OSBPL6: variants seen among roughly 807,000 people sequenced by gnomAD.
OSBPL6 encodes the protein oxysterol binding protein like 6, also known as oxysterol-binding protein-related protein 6.
In OSBPL6, 49 loss-of-function variants were observed where a neutral mutation model predicts 125.8. The observed-to-expected ratio is 0.39, with a 90% CI of 0.31 to 0.49. The LOEUF is 0.49. Ranked by LOEUF, OSBPL6 falls within the 20% of genes least tolerant of loss-of-function variation. The pLI is 0.88. For missense variants in OSBPL6, 986 were observed against 1,135.4 expected (o/e 0.87, Z 1.89); for synonymous variants, 394 against 391.8 (o/e 1.01, Z -0.07).
intron 3 of OSBPL6, among the ~76,000 whole-genome samples, chr2:178,316,120 C>T (rs1043242068): frequency 6.6e-6 from 1 of 152,182 alleles, no homozygotes; most frequent in African/African-American, 2.4e-5. Flanking sequence ...GACCTCAACT[C>T]CCAATTAAGA....
chr2:178,333,001 A>T lies in OSBPL6; in HGVS notation c.617A>T (p.Glu206Val). Residue 206 changes from glutamate (E) to valine (V), a missense_variant, in exon 8 of 25, where the codon GAA (glutamate) becomes GTA (valine). Physicochemically the swap from Glu to Val is moderately radical, Grantham distance 121 (BLOSUM62 -2). Around this residue, in one of 3 missense-constraint regions of OSBPL6, gnomAD observed 843 missense variants for 997.3 expected, o/e 0.85. Coordinates refer to ENST00000190611, the MANE Select transcript of OSBPL6 (RefSeq NM_032523.4). Reference sequence around the variant, plus strand: ...ATATTTCCTTCAACGTCCACAGCTGAATCCTCACCAGCTGCTAATGTTTCT... The same window carrying T: ...ATATTTCCTTCAACGTCCACAGCTGTATCCTCACCAGCTGCTAATGTTTCT... ...FHIFPSTSTA[E>V]SSPAANVSVM... The T allele has an allele frequency of 3.1e-6, 5 of 1,614,170 alleles. No individual in the cohort carries two copies. The South Asian group carries it at 5.5e-5, about 18-fold the overall frequency.
At chr2:178,297,666 G>T (rs572502817) in intron 2 of OSBPL6, among the ~76,000 whole-genome samples, 1 of 152,152 alleles carries the variant, frequency 6.6e-6, no homozygotes, top group Non-Finnish European at 1.5e-5. Context: ...TAAATACAGT[G>T]CAGTATATGT....
chr2:178,298,986 C>G (rs1041883330), intron 2 of OSBPL6, among the ~76,000 whole-genome samples: 4 of 152,110 alleles, frequency 2.6e-5, no homozygotes, highest in Admixed American at 1.3e-4. Context: ...CAAAGTAGGG[C>G]AAAATATTTT....
In OSBPL6 at chr2:178,402,739, T is replaced by C. The variant is rs1026241274; in HGVS notation, c.*7180T>C. On this transcript the variant is annotated 3_prime_UTR_variant, in exon 25 of 25. Coordinates refer to ENST00000190611, the MANE Select transcript of OSBPL6 (RefSeq NM_032523.4). Reference sequence around the variant, plus strand: ...CTTTCTACGAAAATACAGCTTGTGGTTAAATTTCCTAATGAAAGAGGAATT... The same window carrying C: ...CTTTCTACGAAAATACAGCTTGTGGCTAAATTTCCTAATGAAAGAGGAATT... 3.3e-5 allele frequency: 5 copies of C among 152,240 alleles called. No homozygotes were observed. Among genetic ancestry groups the C allele is most frequent in the Non-Finnish European group, 5.9e-5 (4 of 68,034 alleles). 9.4% of individuals were successfully genotyped at this position (152,240 alleles called of 1,614,324 possible).
intron 1 of OSBPL6, among the ~76,000 whole-genome samples, chr2:178,223,301 A>G (rs2090419149): frequency 6.6e-6 from 1 of 152,124 alleles, no homozygotes; most frequent in Non-Finnish European, 1.5e-5. Flanking sequence ...TTTTGTGGTT[A>G]CATTCCCTCC....
intron 11 of OSBPL6, among the ~76,000 whole-genome samples, chr2:178,342,759 T>G (rs184547878): frequency 6.4e-4 from 98 of 152,328 alleles, no homozygotes; most frequent in African/African-American, 2.1e-3. Context: ...GAAAGAGCGG[T>G]TAGATCTCCT....
At chr2:178,212,318 G>A (rs1258338283) in intron 1 of OSBPL6, among the ~76,000 whole-genome samples, 2 of 152,158 alleles carry the variant, frequency 1.3e-5, no homozygotes, top group African/African-American at 2.4e-5. Context: ...CTGAGCCTGC[G>A]CTAATTTGTG....
chr2:178,290,865 G>T (rs1389098362), intron 2 of OSBPL6, among the ~76,000 whole-genome samples: 4 of 151,952 alleles, frequency 2.6e-5, no homozygotes, highest in Admixed American at 6.6e-5. Flanking sequence ...AAAAAAAAAT[G>T]ATGAGTTCAT....
chr2:178,360,338 A>AT (rs1692231266), intron 12 of OSBPL6, among the ~76,000 whole-genome samples: 1 of 152,118 alleles, frequency 6.6e-6, no homozygotes, highest in African/African-American at 2.4e-5. Flanking sequence ...CTTTTGCTAA[A>AT]TTAGTAGATT....
intron 1 of OSBPL6, among the ~76,000 whole-genome samples, chr2:178,204,757 G>A (rs900635809): frequency 2.0e-5 from 3 of 152,190 alleles, no homozygotes; most frequent in African/African-American, 7.2e-5. Flanking sequence ...AGTTAACATA[G>A]CCAGTGCGGT....
intron 5 of OSBPL6, among the ~76,000 whole-genome samples, chr2:178,331,333 A>G (rs1464905672): frequency 2.0e-5 from 3 of 152,198 alleles, no homozygotes; most frequent in Non-Finnish European, 2.9e-5. Flanking sequence ...CCATTGGATT[A>G]TGTATAAAAG....
At chr2:178,389,818 C>A (rs1339878821) in intron 21 of OSBPL6, among the ~76,000 whole-genome samples, 2 of 152,146 alleles carry the variant, frequency 1.3e-5, no homozygotes, top group East Asian at 3.9e-4. Context: ...AGCTACCATA[C>A]CTGTTCAATT....
chr2:178,381,231 A>G (rs1694447153), intron 15 of OSBPL6, among the ~76,000 whole-genome samples: 2 of 151,876 alleles, frequency 1.3e-5, no homozygotes, highest in Non-Finnish European at 1.5e-5. Context: ...TAGTATGTAC[A>G]TTGTTCCTTA....
Position 178,397,552 on chromosome 2 carries a change from G to A in OSBPL6, c.*1993G>A, listed in dbSNP as rs1254889561. ...AGTCTGTTCTCCTATGGTTGATAAA[G>A]CTTTAAATACTATTTAAAGTGGTTC... On this transcript the variant is annotated 3_prime_UTR_variant, in exon 25 of 25. Coordinates refer to ENST00000190611, the MANE Select transcript of OSBPL6 (RefSeq NM_032523.4). 1 of 152,134 alleles carries A rather than the reference G, an allele frequency of 6.6e-6. No individual in the cohort carries two copies. Among genetic ancestry groups the A allele is most frequent in the Non-Finnish European group, 1.5e-5 (1 of 68,030 alleles). 9.4% of individuals were successfully genotyped at this position (152,134 alleles called of 1,614,324 possible).
chr2:178,276,466 G>A (rs886933213), intron 1 of OSBPL6, among the ~76,000 whole-genome samples: 3 of 149,708 alleles, frequency 2.0e-5, no homozygotes, highest in East Asian at 2.0e-4. Context: ...TCTGCCTGCC[G>A]GGTTCAAGTG....
chr2:178,340,173 A>G (rs1690079267), intron 11 of OSBPL6, among the ~76,000 whole-genome samples: 1 of 152,108 alleles, frequency 6.6e-6, no homozygotes. Flanking sequence ...CTATCAAGAA[A>G]AAGTGTAGGA....
chr2:178,284,319 GAGGC>G lies in OSBPL6; in HGVS notation c.-350-601_-350-598del, dbSNP rs1684494927. Among the ~76,000 whole-genome samples the G allele has an allele frequency of 2.0e-5, 3 of 152,146 alleles. No homozygotes were observed. In the South Asian group the frequency reaches 6.2e-4, roughly 32 times the overall value. ...TGTAATCCCAGCCCTTTGGGAGGCC[GAGGC>G]AGGCAGATCATCCAAGGTCAGGAGT... On this transcript the variant is annotated intron_variant, in intron 1 of 24. Transcript: ENST00000190611.
chr2:178,207,866 A>C (rs1258136140), intron 1 of OSBPL6, among the ~76,000 whole-genome samples: 1 of 152,242 alleles, frequency 6.6e-6, no homozygotes, highest in East Asian at 1.9e-4. Flanking sequence ...AATAACTTGA[A>C]GCTAATTTTA....
chr2:178,251,087 G>A (rs561454746), intron 1 of OSBPL6, among the ~76,000 whole-genome samples: 1 of 152,274 alleles, frequency 6.6e-6, no homozygotes, highest in Non-Finnish European at 1.5e-5. Flanking sequence ...TTGTCCAGTA[G>A]GAGCCTAAGG....
Sources: allele counts gnomAD v4.1 joint callset (sites outside exome capture counted in the v4.1 genomes callset), GRCh38; gene constraint gnomAD v4.1.1; regional missense constraint gnomAD v4.1.1; transcripts MANE v1.5; gene names NCBI Gene and HGNC (gene_info 2026-07-23, HGNC 2026-07-21).